OR3A2: variants seen among roughly 807,000 people sequenced by gnomAD.
OR3A2 encodes olfactory receptor family 3 subfamily A member 2.
For missense variants in OR3A2, 318 were observed against 392.8 expected, an observed-to-expected ratio of 0.81 and a Z score of 1.61; for synonymous variants, 126 against 159.3, an observed-to-expected ratio of 0.79 and a Z score of 1.57.
intron 2 of OR3A2, among the ~76,000 whole-genome samples, chr17:3,373,290 C>T (rs1366984728): frequency 6.6e-6 from 1 of 152,194 alleles, no homozygotes; most frequent in Non-Finnish European, 1.5e-5. Flanking sequence ...GTAGAATGTT[C>T]TGTAAATATC....
upstream of OR3A2, chr17:3,284,419 A>C (rs184426751): frequency 1.3e-5 from 2 of 151,982 alleles, no homozygotes; most frequent in South Asian, 2.1e-4. Context: ...AGCTGCGCAC[A>C]CCCCGTTATC....
chr17:3,340,695 A>T (rs910661721), intron 2 of OR3A2, among the ~76,000 whole-genome samples: 21 of 152,074 alleles, frequency 1.4e-4, no homozygotes, highest in Non-Finnish European at 5.9e-5. Context: ...TATGTGGTCA[A>T]TTTTGGAATA....
chr17:3,339,063 CTGTT>C (rs1442303238), intron 2 of OR3A2, among the ~76,000 whole-genome samples: 2 of 152,200 alleles, frequency 1.3e-5, no homozygotes, highest in East Asian at 3.9e-4. Flanking sequence ...ATTTGGCTCT[CTGTT>C]TGTCTGTTAT....
At chr17:3,378,408 C>A (rs2049703201) in intron 2 of OR3A2, among the ~76,000 whole-genome samples, 1 of 152,196 alleles carries the variant, frequency 6.6e-6, no homozygotes, top group Non-Finnish European at 1.5e-5. Context: ...GAGCAGGTGC[C>A]AGGAGTAGGG....
At chr17:3,368,037 T>C (rs2049579570) in intron 2 of OR3A2, among the ~76,000 whole-genome samples, 1 of 152,208 alleles carries the variant, frequency 6.6e-6, no homozygotes, top group South Asian at 2.1e-4. Context: ...TTTGTATATC[T>C]TTTGAGAATT....
chr17:3,291,826 T>C (rs928447250), intron 3 of OR3A2: 1 of 1,613,848 alleles, frequency 6.2e-7, no homozygotes, highest in African/African-American at 1.3e-5. Context: ...CCATAGAATA[T>C]GGCAACCACA....
At chr17:3,336,474 GA>G (rs1410292487) in intron 2 of OR3A2, among the ~76,000 whole-genome samples, 1 of 152,090 alleles carries the variant, frequency 6.6e-6, no homozygotes, top group Admixed American at 6.6e-5. Flanking sequence ...TGTAACTAAT[GA>G]TAGATACAAA....
chr17:3,333,151 G>T (rs943857611), intron 3 of OR3A2, among the ~76,000 whole-genome samples: 7 of 152,142 alleles, frequency 4.6e-5, no homozygotes, highest in African/African-American at 1.7e-4. Context: ...TTGCATTCCT[G>T]GGTGGAGGTC....
chr17:3,353,368 G>A (rs920998381), intron 2 of OR3A2, among the ~76,000 whole-genome samples: 2 of 151,784 alleles, frequency 1.3e-5, no homozygotes, highest in Non-Finnish European at 2.9e-5. Flanking sequence ...TTGTCTAACT[G>A]TTCTAGCTAG....
chr17:3,296,046 A>G (rs894809842), intron 3 of OR3A2, among the ~76,000 whole-genome samples: 1 of 152,156 alleles, frequency 6.6e-6, no homozygotes, highest in Non-Finnish European at 1.5e-5. Context: ...GGTAGAACCA[A>G]TTGACATTGT....
intron 3 of OR3A2, among the ~76,000 whole-genome samples, chr17:3,328,543 C>G (rs1002871869): frequency 7.0e-6 from 1 of 142,284 alleles, no homozygotes; most frequent in Non-Finnish European, 1.5e-5. Flanking sequence ...ATTGAATACC[C>G]TTTATTTCCT....
intron 3 of OR3A2, chr17:3,310,964 T>C (rs761868126): frequency 8.9e-6 from 5 of 563,292 alleles, no homozygotes; most frequent in African/African-American, 1.9e-5. Context: ...TCCTCATCAC[T>C]GTGTCCTATG....
intron 2 of OR3A2, among the ~76,000 whole-genome samples, chr17:3,371,922 G>A (rs999276911): frequency 6.8e-6 from 1 of 146,170 alleles, no homozygotes; most frequent in Non-Finnish European, 1.5e-5. Context: ...GCCGGGCGGG[G>A]GCTGACCCCC....
chr17:3,331,993 C>T (rs2049239048), intron 3 of OR3A2, among the ~76,000 whole-genome samples: 2 of 151,962 alleles, frequency 1.3e-5, no homozygotes, highest in Admixed American at 1.3e-4. Context: ...GTCAGTGTGC[C>T]CCTGCTGGGG....
intron 3 of OR3A2, among the ~76,000 whole-genome samples, chr17:3,305,707 T>C (rs1002142204): frequency 6.6e-6 from 1 of 152,240 alleles, no homozygotes; most frequent in Non-Finnish European, 1.5e-5. Context: ...AGCTCAAATA[T>C]AAAGACAGTA....
At chr17:3,280,640 C>A (rs1282502715) in intron 1 of OR3A2, among the ~76,000 whole-genome samples, 1 of 152,142 alleles carries the variant, frequency 6.6e-6, no homozygotes, top group Non-Finnish European at 1.5e-5. Context: ...ATGGAATAAG[C>A]CAGGCCAGAG....
At chr17:3,367,587 A>ATG (rs1384377907) in intron 2 of OR3A2, among the ~76,000 whole-genome samples, 66 of 104,096 alleles carry the variant, frequency 6.3e-4, no homozygotes, top group African/African-American at 1.1e-3. Context: ...GTATATGTAT[A>ATG]TGTGTGTGTG....
intron 2 of OR3A2, among the ~76,000 whole-genome samples, chr17:3,364,414 C>A (rs1284093167): frequency 6.6e-6 from 1 of 152,098 alleles, no homozygotes; most frequent in East Asian, 1.9e-4. Flanking sequence ...TAATTATGGT[C>A]CATGCTGGTC....
chr17:3,320,764 C>A (rs1025878169), intron 3 of OR3A2, among the ~76,000 whole-genome samples: 10 of 152,038 alleles, frequency 6.6e-5, no homozygotes, highest in Admixed American at 3.9e-4. Context: ...TAGTACCATG[C>A]TGTTTTGGTT....
Sources: allele counts gnomAD v4.1 joint callset (sites outside exome capture counted in the v4.1 genomes callset), GRCh38; gene constraint gnomAD v4.1.1; transcripts MANE v1.5; gene names NCBI Gene and HGNC (gene_info 2026-07-23, HGNC 2026-07-21).